The following IMMP2L variants were observed in gnomAD, a reference collection of about 807,000 sequenced individuals.
IMMP2L encodes inner mitochondrial membrane peptidase subunit 2.
IMMP2L carries 18 observed loss-of-function variants against 19.3 expected under a neutral mutation model. That is an observed-to-expected ratio of 0.93 (90% CI 0.64 to 1.38). The LOEUF (loss-of-function observed/expected upper bound fraction) is 1.38. Among genes scored for constraint, IMMP2L ranks in the 40% most tolerant of loss-of-function variants. The pLI, the probability that IMMP2L is intolerant of heterozygous loss-of-function variation, is 0.00. For missense variants in IMMP2L, 233 were observed against 218.2 expected (o/e 1.07, Z -0.43); for synonymous variants, 76 against 73.0 (o/e 1.04, Z -0.21).
At chr7:111,468,238 T>A (rs1840870256) in intron 3 of IMMP2L, among the ~76,000 whole-genome samples, 1 of 152,168 alleles carries the variant, frequency 6.6e-6, no homozygotes, top group Non-Finnish European at 1.5e-5. Flanking sequence ...AAAGCATATG[T>A]GTAAATAAAA....
intron 3 of IMMP2L, among the ~76,000 whole-genome samples, chr7:111,109,096 A>G (rs984271576): frequency 2.6e-5 from 4 of 152,192 alleles, no homozygotes; most frequent in African/African-American, 9.6e-5. Flanking sequence ...GAATGACTTT[A>G]GGGGATATTT....
At chr7:110,858,741 T>C (rs190095561) in intron 5 of IMMP2L, among the ~76,000 whole-genome samples, 129 of 152,144 alleles carry the variant, frequency 8.5e-4, no homozygotes, top group African/African-American at 3.0e-3. Flanking sequence ...CTCCTAATGC[T>C]ATCCCTCCCT....
chr7:111,351,085 C>T (rs924971015), intron 3 of IMMP2L, among the ~76,000 whole-genome samples: 1 of 152,172 alleles, frequency 6.6e-6, no homozygotes, highest in African/African-American at 2.4e-5. Context: ...TTACTTAATA[C>T]ATTTTTTGCT....
intron 2 of IMMP2L, among the ~76,000 whole-genome samples, chr7:111,512,463 G>C (rs982038127): frequency 7.1e-5 from 10 of 140,190 alleles, no homozygotes; most frequent in Admixed American, 1.4e-4. Flanking sequence ...GACTCCATAA[G>C]TTTACTTTTA....
intron 4 of IMMP2L, among the ~76,000 whole-genome samples, chr7:110,925,094 T>C (rs1448515121): frequency 6.6e-6 from 1 of 152,140 alleles, no homozygotes; most frequent in East Asian, 1.9e-4. Context: ...GAAAAGATTA[T>C]AGCAAAGATA....
intron 5 of IMMP2L, among the ~76,000 whole-genome samples, chr7:110,832,662 G>A (rs1449241253): frequency 6.6e-6 from 1 of 151,940 alleles, no homozygotes; most frequent in Non-Finnish European, 1.5e-5. Context: ...CCCTGGACAG[G>A]CATTTTGCAC....
chr7:110,862,729 T>C (rs924698996), intron 5 of IMMP2L, among the ~76,000 whole-genome samples: 1 of 152,002 alleles, frequency 6.6e-6, no homozygotes, highest in African/African-American at 2.4e-5. Flanking sequence ...CCTATAAAGA[T>C]CTCTGAAAAG....
intron 3 of IMMP2L, among the ~76,000 whole-genome samples, chr7:110,972,426 T>C (rs1417153402): frequency 1.3e-5 from 2 of 152,170 alleles, no homozygotes; most frequent in Non-Finnish European, 2.9e-5. Context: ...CTTAATGTTA[T>C]GCATATGTTT....
intron 3 of IMMP2L, among the ~76,000 whole-genome samples, chr7:111,015,548 T>C (rs1333449374): frequency 6.6e-6 from 1 of 152,120 alleles, no homozygotes; most frequent in African/African-American, 2.4e-5. Flanking sequence ...AGGGTAAATT[T>C]TGCTGTGTTT....
At chr7:111,179,184 G>A (rs1335666437) in intron 3 of IMMP2L, among the ~76,000 whole-genome samples, 2 of 151,744 alleles carry the variant, frequency 1.3e-5, no homozygotes, top group Non-Finnish European at 2.9e-5. Context: ...CATTTTCAAT[G>A]AGCAGTAATA....
At chr7:111,421,426 T>C (rs181928161) in intron 3 of IMMP2L, among the ~76,000 whole-genome samples, 3,150 of 150,738 alleles carry the variant, frequency 0.021, 152 homozygotes, top group African/African-American at 0.074. Context: ...CCCGCCATCA[T>C]GCCCGGCTAA....
chr7:111,040,336 G>A (rs1405062615), intron 3 of IMMP2L, among the ~76,000 whole-genome samples: 1 of 152,008 alleles, frequency 6.6e-6, no homozygotes, highest in Non-Finnish European at 1.5e-5. Flanking sequence ...TATTTTACAG[G>A]TGGACAAATG....
At chr7:111,450,252 G>A (rs146326791) in intron 3 of IMMP2L, among the ~76,000 whole-genome samples, 28,118 of 143,242 alleles carry the variant, frequency 0.2, 4,242 homozygotes, top group African/African-American at 0.42. Flanking sequence ...CGCATCGCCA[G>A]GTCAATCCTA....
intron 5 of IMMP2L, among the ~76,000 whole-genome samples, chr7:110,866,591 A>G (rs1384066565): frequency 6.6e-6 from 1 of 152,106 alleles, no homozygotes; most frequent in Non-Finnish European, 1.5e-5. Context: ...CCTCAGAGTC[A>G]TAACTCTCCT....
At chr7:111,403,263 ACT>A (rs368442127) in intron 3 of IMMP2L, among the ~76,000 whole-genome samples, 7 of 145,412 alleles carry the variant, frequency 4.8e-5, no homozygotes, top group Non-Finnish European at 6.1e-5. Context: ...CTCCCCCCTC[ACT>A]CTCTCTCTCT....
intron 3 of IMMP2L, among the ~76,000 whole-genome samples, chr7:111,063,211 G>A (rs970263700): frequency 3.3e-5 from 5 of 152,178 alleles, no homozygotes; most frequent in African/African-American, 1.2e-4. Context: ...GCACCTGCAG[G>A]CTCAAAACCA....
intron 5 of IMMP2L, among the ~76,000 whole-genome samples, chr7:110,824,326 A>C (rs558075893): frequency 1.1e-4 from 16 of 152,264 alleles, no homozygotes; most frequent in African/African-American, 3.8e-4. Flanking sequence ...AAAACTGCTA[A>C]TTATTTACAC....
rs187578092 is a variant in IMMP2L at position 111,398,657 on chromosome 7, T to C, written c.239+88581A>G. On this transcript the variant is annotated intron_variant, in intron 3 of 5. Coordinates refer to ENST00000405709, the MANE Select transcript of IMMP2L (RefSeq NM_032549.4). ...AGACAAGAGACAGAAATAAAGGGCATCCAAATCGGTAAAGAGGAATTCAAA... is the reference window on the plus strand; with the variant it reads ...AGACAAGAGACAGAAATAAAGGGCACCCAAATCGGTAAAGAGGAATTCAAA... 6.6e-4 allele frequency among the ~76,000 whole-genome samples: 101 copies of C among 152,066 alleles called. 1 individual carries two copies. Among genetic ancestry groups the C allele is most frequent in the Non-Finnish European group, 1.3e-3 (87 of 67,976 alleles).
At chr7:111,382,952 A>C (rs1004660119) in intron 3 of IMMP2L, among the ~76,000 whole-genome samples, 1 of 152,122 alleles carries the variant, frequency 6.6e-6, no homozygotes, top group Non-Finnish European at 1.5e-5. Context: ...AATATTCGAA[A>C]GCCAAGGACA....
Sources: allele counts gnomAD v4.1 joint callset (sites outside exome capture counted in the v4.1 genomes callset), GRCh38; gene constraint gnomAD v4.1.1; transcripts MANE v1.5; gene names NCBI Gene and HGNC (gene_info 2026-07-23, HGNC 2026-07-21).